Variants in PARP10 observed in about 807,000 individuals in gnomAD.
PARP10 encodes protein mono-ADP-ribosyltransferase PARP10.
In PARP10, 56 loss-of-function variants were observed where a neutral mutation model predicts 82.4. That is an observed-to-expected ratio of 0.68 (90% CI 0.55 to 0.85). PARP10 has a LOEUF of 0.85. Ranked by LOEUF, PARP10 falls within the 40% of genes least tolerant of loss-of-function variation. The probability of loss-of-function intolerance (pLI) is 0.00; values close to 1 mark genes in which losing one functional copy is unlikely to be tolerated. For synonymous variants in PARP10, 576 were observed against 601.1 expected (o/e 0.96, Z 0.61); for missense variants, 1,227 against 1,379.4 (o/e 0.89, Z 1.75).
intron 9 of PARP10, among the ~76,000 whole-genome samples, chr8:143,982,147 G>A (rs1177342827): frequency 9.9e-5 from 15 of 152,124 alleles, no homozygotes; most frequent in African/African-American, 3.4e-4. Context: ...CTGGCCCCAC[G>A]CACAACTTTG....
At chr8:143,992,346 C>T (rs781910170), upstream of PARP10, 1 of 1,593,780 alleles carries the variant, frequency 6.3e-7, no homozygotes, top group Non-Finnish European at 8.6e-7. Flanking sequence ...CAGCCGTCTG[C>T]TTCACCGTCG....
intron 1 of PARP10, among the ~76,000 whole-genome samples, chr8:144,002,114 A>G (rs1171705720): frequency 6.6e-6 from 1 of 152,160 alleles, no homozygotes; most frequent in Non-Finnish European, 1.5e-5. Flanking sequence ...TGGGTGATGA[A>G]TACATGTGGG....
upstream of PARP10, chr8:143,986,531 G>C (rs922633866): frequency 1.1e-5 from 10 of 950,022 alleles, no homozygotes; most frequent in African/African-American, 1.6e-4. Context: ...CTGGGGCTCA[G>C]ATGCTTCCTC....
chr8:143,986,623 C>T, upstream of PARP10: 1 of 596,972 alleles, frequency 1.7e-6, no homozygotes, highest in East Asian at 2.8e-5. Flanking sequence ...CAACCCAGCC[C>T]AGCCCACCGG....
chr8:143,991,061 T>C (rs1170928350), upstream of PARP10: 3 of 505,566 alleles, frequency 5.9e-6, no homozygotes, highest in East Asian at 3.4e-5. Flanking sequence ...GCTCCGGGGC[T>C]CCCCACAGCC....
At chr8:143,991,907 G>C, upstream of PARP10, 1 of 1,612,774 alleles carries the variant, frequency 6.2e-7, no homozygotes. Context: ...TGCAGCTGTC[G>C]GTGACCCTGT....
rs879961346 is a variant in PARP10 at position 143,983,006 on chromosome 8, C to T, written c.2482G>A (p.Gly828Arg). The T allele has an allele frequency of 4.1e-5, 66 of 1,613,842 alleles. No homozygotes were observed. Among genetic ancestry groups the T allele is most frequent in the Admixed American group, 1.0e-4 (6 of 60,010 alleles). Residue 828 changes from glycine (G) to arginine (R), a missense_variant, in exon 9 of 11, where the codon GGG (glycine) becomes AGG (arginine). Physicochemically the swap from Gly to Arg is moderately radical, Grantham distance 125. Coordinates refer to ENST00000313028, the MANE Select transcript of PARP10 (RefSeq NM_032789.5). ...NNLERLAENT[G>R]EFQEVVRAFY... ...GCCCGCACCACCTCCTGGAACTCCC[C>T]GGTGTTCTCTGCCAGACGCTCCAGG...
chr8:144,004,673 T>C (rs1834223222), intron 1 of PARP10, among the ~76,000 whole-genome samples: 1 of 152,222 alleles, frequency 6.6e-6, no homozygotes, highest in African/African-American at 2.4e-5. Flanking sequence ...GCTGATTCAG[T>C]TGAGCTGAGG....
At chr8:143,986,474 GGAA>G, upstream of PARP10, 1 of 1,560,532 alleles carries the variant, frequency 6.4e-7, no homozygotes, top group African/African-American at 1.4e-5. Context: ...ACTGAAAGAC[GGAA>G]GGAGGGAGGG....
chr8:143,992,219 G>A (rs868994176), upstream of PARP10: 2 of 1,603,624 alleles, frequency 1.2e-6, no homozygotes, highest in Middle Eastern at 3.3e-4. Flanking sequence ...ACACACCCAA[G>A]GTCAGCCTGT....
At chr8:144,007,464 G>A (rs782005944) in intron 1 of PARP10, among the ~76,000 whole-genome samples, 1 of 152,230 alleles carries the variant, frequency 6.6e-6, no homozygotes, top group East Asian at 1.9e-4. Flanking sequence ...GTATACAGCA[G>A]CTTCTCCAGC....
Position 143,983,256 on chromosome 8 carries a change from G to C in PARP10, c.2333C>G (p.Pro778Arg). Residue 778 changes from proline (P) to arginine (R), a missense_variant, in exon 8 of 11, where the codon CCT becomes CGT. Pro to Arg is a moderately radical substitution (Grantham distance 103, BLOSUM62 -2). Transcript: ENST00000313028. ...CTILRGFGAH[P>R]ARAARHLVAL... Reference sequence around the variant, plus strand: ...CACCAAGTGGCGGGCAGCACGGGCAGGGTGGGCCCCGAAGCCACGGAGGAT... The same window carrying C: ...CACCAAGTGGCGGGCAGCACGGGCACGGTGGGCCCCGAAGCCACGGAGGAT... 1.2e-6 allele frequency: 2 copies of C among 1,613,140 alleles called. No individual in the cohort carries two copies. The highest frequency in any genetic ancestry group is 1.7e-6 in the Non-Finnish European group (2 of 1,179,842).
At chr8:144,010,641 G>T (rs1834270382) in intron 1 of PARP10, among the ~76,000 whole-genome samples, 1 of 152,156 alleles carries the variant, frequency 6.6e-6, no homozygotes, top group Non-Finnish European at 1.5e-5. Context: ...TTGGGAGGCT[G>T]AGGCAGAAGG....
At chr8:143,985,679 A>G (rs370620919) in intron 3 of PARP10, 31 bp from the exon 4 acceptor site, 89 of 1,604,294 alleles carry the variant, frequency 5.5e-5, no homozygotes, top group Non-Finnish European at 7.0e-5. Flanking sequence ...AGCTCAGGGA[A>G]TCCCCCCTAG....
chr8:143,996,176 C>T (rs782133401), intron 1 of PARP10, among the ~76,000 whole-genome samples: 22 of 152,156 alleles, frequency 1.4e-4, no homozygotes, highest in Admixed American at 2.6e-4. Context: ...GGCGTGTCCC[C>T]GGGGCTTCAC....
chr8:143,996,777 TG>T (rs1834167580), intron 1 of PARP10, among the ~76,000 whole-genome samples: 1 of 151,954 alleles, frequency 6.6e-6, no homozygotes, highest in Admixed American at 6.6e-5. Flanking sequence ...GAGACACATT[TG>T]GGGAAGCAGG....
At chr8:143,983,979 A>T in intron 7 of PARP10, 29 bp downstream of exon 7, 5 of 1,495,776 alleles carry the variant, frequency 3.3e-6, no homozygotes, top group Non-Finnish European at 4.5e-6. Context: ...GGGCCACAGG[A>T]TGTGCTGAGG....
chr8:143,982,897 C>T (rs200003562), intron 9 of PARP10, 35 bp downstream of exon 9: 84 of 1,608,206 alleles, frequency 5.2e-5, no homozygotes, highest in Middle Eastern at 1.7e-4. Flanking sequence ...GAGCCCAGGA[C>T]GCCATGAGGC....
At chr8:143,987,759 C>T (rs1834016352), upstream of PARP10, among the ~76,000 whole-genome samples, 1 of 152,134 alleles carries the variant, frequency 6.6e-6, no homozygotes, top group African/African-American at 2.4e-5. Context: ...GGCATGGTGG[C>T]AGGTGCCTAT....
Sources: allele counts gnomAD v4.1 joint callset (sites outside exome capture counted in the v4.1 genomes callset), GRCh38; gene constraint gnomAD v4.1.1; transcripts MANE v1.5; gene names NCBI Gene and HGNC (gene_info 2026-07-23, HGNC 2026-07-21).